TMEM123: variants seen among roughly 807,000 people sequenced by gnomAD.
TMEM123 encodes the protein porimin.
Under a neutral mutation model 19.7 loss-of-function variants are expected in TMEM123, and 16 were observed. The ratio of observed to expected loss-of-function variants is 0.81; its 90% CI spans 0.55 to 1.23. TMEM123 has a LOEUF of 1.23. Ranked by LOEUF, TMEM123 falls within the 50% of genes most tolerant of loss-of-function variation. The pLI, the probability that TMEM123 is intolerant of heterozygous loss-of-function variation, is 0.00. For synonymous variants in TMEM123, 118 were observed against 99.4 expected, an observed-to-expected ratio of 1.19 and a Z score of -1.12; for missense variants, 313 against 257.8, an observed-to-expected ratio of 1.21 and a Z score of -1.47.
intron 2 of TMEM123, among the ~76,000 whole-genome samples, chr11:102,441,616 A>G (rs1857826998): frequency 6.6e-6 from 1 of 152,136 alleles, no homozygotes; most frequent in African/African-American, 2.4e-5. Flanking sequence ...TGACACCCTA[A>G]TATCACAATT....
intron 2 of TMEM123, among the ~76,000 whole-genome samples, chr11:102,438,941 T>A (rs1857794679): frequency 6.6e-6 from 1 of 152,188 alleles, no homozygotes; most frequent in East Asian, 1.9e-4. Flanking sequence ...GGAGACTGTA[T>A]CCTGCACGTG....
intron 2 of TMEM123, among the ~76,000 whole-genome samples, chr11:102,440,337 T>A (rs892621709): frequency 1.3e-5 from 2 of 152,144 alleles, no homozygotes; most frequent in African/African-American, 4.8e-5. Context: ...CCCATCAGAC[T>A]AACAGCGGAT....
At chr11:102,417,862 G>C (rs1591557998) in intron 2 of TMEM123, among the ~76,000 whole-genome samples, 1 of 151,592 alleles carries the variant, frequency 6.6e-6, no homozygotes, top group African/African-American at 2.4e-5. Flanking sequence ...TCTGATCTTT[G>C]ATAAAGTTTA....
At chr11:102,438,426 G>T (rs1857788192) in intron 2 of TMEM123, among the ~76,000 whole-genome samples, 1 of 152,098 alleles carries the variant, frequency 6.6e-6, no homozygotes. Context: ...TCTCCACCTG[G>T]ATATTATCTT....
rs542820582 is a variant in TMEM123, at chr11:102,401,601, T to C, written c.540A>G (p.Leu180=). The C allele has an allele frequency of 3.5e-5, 56 of 1,604,618 alleles. 1 individual carries two copies. In the South Asian group the frequency reaches 5.4e-4, roughly 16 times the overall value. Residue 180 remains leucine, a synonymous_variant, in exon 4 of 5, where the codon TTA becomes TTG. Transcript: ENST00000398136. The part of the protein sequence containing the change: ...VGGIVLTLGV[L]SILYIGCKMY... Reference sequence around the variant, plus strand: ...TTTTGCATCCAATGTAAAGAATAGATAAAACTCCCAGCGTTAATACAATAC... The same window carrying C: ...TTTTGCATCCAATGTAAAGAATAGACAAAACTCCCAGCGTTAATACAATAC...
Position 102,409,924 on chromosome 11 carries a change from C to G in TMEM123, c.158-7718G>C, listed in dbSNP as rs190571697. Among the ~76,000 whole-genome samples, 5 of 149,860 alleles carry G rather than the reference C, an allele frequency of 3.3e-5. No homozygotes were observed. The East Asian group carries it at 9.9e-4, about 30-fold the overall frequency. On this transcript the variant is annotated intron_variant, in intron 2 of 4. Transcript: ENST00000398136. ...AAAAAAAAAAAAATCTAAGAGAAAA[C>G]TGAGCTTAAAAAAAGTCACATCATG...
intron 2 of TMEM123, among the ~76,000 whole-genome samples, chr11:102,427,259 T>C (rs1388163067): frequency 1.3e-5 from 2 of 151,898 alleles, no homozygotes; most frequent in Admixed American, 1.3e-4. Context: ...CCTACCACAC[T>C]TACATGAACT....
chr11:102,399,675 AAT>A, intron 4 of TMEM123, among the ~76,000 whole-genome samples: 1 of 152,312 alleles, frequency 6.6e-6, no homozygotes, highest in Non-Finnish European at 1.5e-5. Flanking sequence ...AACTTTTAAA[AAT>A]ATGTTTTTAA....
At chr11:102,443,894 G>T (rs193211586) in intron 2 of TMEM123, among the ~76,000 whole-genome samples, 41 of 152,292 alleles carry the variant, frequency 2.7e-4, no homozygotes, top group Non-Finnish European at 4.7e-4. Flanking sequence ...CAAAGGATAT[G>T]AACAGACACT....
At chr11:102,444,848 G>A (rs2135865471) in intron 2 of TMEM123, among the ~76,000 whole-genome samples, 1 of 152,114 alleles carries the variant, frequency 6.6e-6, no homozygotes, top group East Asian at 1.9e-4. Flanking sequence ...CATAAAAAAG[G>A]ATGAGTTCAT....
At chr11:102,449,056 T>G (rs900038000) in intron 1 of TMEM123, 188 bp from the exon 2 acceptor site, 8 of 548,936 alleles carry the variant, frequency 1.5e-5, no homozygotes, top group Admixed American at 1.2e-4. Flanking sequence ...GGGACTGTAT[T>G]ACCAGGTTTT....
rs553409840 is a variant in TMEM123 at position 102,442,454 on chromosome 11, A to G, written c.157+6358T>C. Among the ~76,000 whole-genome samples, 6 of 152,272 alleles carry G rather than the reference A, an allele frequency of 3.9e-5. No homozygotes were observed. The East Asian group carries it at 1.2e-3, about 29-fold the overall frequency. On this transcript the variant is annotated intron_variant, in intron 2 of 4. Coordinates refer to ENST00000398136, the MANE Select transcript of TMEM123 (RefSeq NM_052932.3). ...GAACCAACGACAAAAACCACATGAT[A>G]ATCTGAATAGATGCAGAAAAGGCCT...
intron 2 of TMEM123, among the ~76,000 whole-genome samples, chr11:102,427,980 C>A (rs116030338): frequency 1.3e-5 from 2 of 151,976 alleles, no homozygotes; most frequent in African/African-American, 2.4e-5. Flanking sequence ...AATCTTCTGG[C>A]AAGACACTCT....
intron 2 of TMEM123, among the ~76,000 whole-genome samples, chr11:102,402,460 C>A (rs1035038321): frequency 1.8e-4 from 26 of 147,844 alleles, no homozygotes; most frequent in African/African-American, 5.5e-4. Flanking sequence ...AAAAAAAAAA[C>A]AACCCAGAAG....
At chr11:102,445,552 G>A (rs1452450336) in intron 2 of TMEM123, among the ~76,000 whole-genome samples, 1 of 152,174 alleles carries the variant, frequency 6.6e-6, no homozygotes, top group Admixed American at 6.5e-5. Flanking sequence ...GTAAACAGAA[G>A]AAGGTAGTGT....
intron 2 of TMEM123, among the ~76,000 whole-genome samples, chr11:102,428,251 T>C (rs1409711349): frequency 6.6e-6 from 1 of 152,208 alleles, no homozygotes; most frequent in Non-Finnish European, 1.5e-5. Context: ...ATTATTACGT[T>C]ACTACTGCAA....
chr11:102,407,786 C>A (rs1212792655), intron 2 of TMEM123, among the ~76,000 whole-genome samples: 1 of 152,192 alleles, frequency 6.6e-6, no homozygotes, highest in Non-Finnish European at 1.5e-5. Flanking sequence ...CAGAAGGAAG[C>A]AACCCTGTAA....
Position 102,398,751 on chromosome 11 carries a change from G to A in TMEM123, c.*116C>T, listed in dbSNP as rs1951882822. ...TTACGTAATACACTGTACATTATAT[G>A]CATGGCCTGTTTATACTATTTTCAA... On this transcript the variant is annotated 3_prime_UTR_variant, in exon 5 of 5. Coordinates refer to ENST00000398136, the MANE Select transcript of TMEM123 (RefSeq NM_052932.3). 9.9e-7 allele frequency: 1 copy of A among 1,007,890 alleles called. No homozygotes were observed. Among genetic ancestry groups the A allele is most frequent in the Non-Finnish European group, 1.5e-6 (1 of 657,524 alleles). 62.4% of individuals were successfully genotyped at this position (1,007,890 alleles called of 1,614,324 possible).
chr11:102,440,381 T>C (rs529384984), intron 2 of TMEM123, among the ~76,000 whole-genome samples: 2 of 152,232 alleles, frequency 1.3e-5, no homozygotes, highest in East Asian at 3.9e-4. Flanking sequence ...CAGAAGAAAG[T>C]AGGGGGCCAA....
Sources: gnomAD v4.1 joint callset for allele counts (sites outside exome capture counted in the v4.1 genomes callset) on GRCh38, gnomAD v4.1.1 for gene constraint, MANE v1.5 for transcripts, NCBI Gene and HGNC (gene_info 2026-07-23, HGNC 2026-07-21) for gene names.